Variants in ROBO2 observed in about 807,000 individuals in gnomAD.
ROBO2 encodes roundabout homolog 2.
In ROBO2, 53 loss-of-function variants were observed where a neutral mutation model predicts 160.8. The ratio of observed to expected loss-of-function variants is 0.33; its 90% CI spans 0.26 to 0.41. The LOEUF is 0.41. Ranked by LOEUF, ROBO2 falls within the 10% of genes least tolerant of loss-of-function variation. The pLI is 1.00. For missense variants in ROBO2, 1,577 were observed against 1,722.4 expected (o/e 0.92, Z 1.49); for synonymous variants, 664 against 611.7 (o/e 1.09, Z -1.26).
intron 2 of ROBO2, among the ~76,000 whole-genome samples, chr3:75,964,002 AC>A (rs1949017750): frequency 6.6e-6 from 1 of 151,812 alleles, no homozygotes; most frequent in African/African-American, 2.4e-5. Flanking sequence ...TTAGAATTTC[AC>A]CGTATGAATT....
intron 2 of ROBO2, among the ~76,000 whole-genome samples, chr3:77,187,852 G>C (rs11713628): frequency 0.26 from 39,649 of 151,706 alleles, 5,458 homozygotes; most frequent in African/African-American, 0.32. Context: ...ATTGAAATAA[G>C]TAGCAGAAAA....
rs79454518 is a variant in ROBO2, at chr3:77,485,289, A to G, written c.667+4070A>G. Among the ~76,000 whole-genome samples the G allele has an allele frequency of 7.5e-3, 1,138 of 152,192 alleles. 15 individuals are homozygous for G. Among genetic ancestry groups the G allele is most frequent in the African/African-American group, 0.024 (999 of 41,542 alleles). ...GAGTTCTAGTTTAGAATTATACTTT[A>G]GTTAGGGAATTTGACTGAAATAATA... is the stretch of plus-strand genomic sequence containing the variant. On this transcript the variant is annotated intron_variant, in intron 4 of 25. Coordinates refer to ENST00000461745, the Ensembl canonical transcript of ROBO2.
chr3:76,690,287 G>A lies in ROBO2; in HGVS notation c.110-407727G>A, dbSNP rs558669675. On this transcript the variant is annotated intron_variant, in intron 2 of 26. Coordinates refer to the ROBO2 transcript ENST00000487694. ...TGCTATGACCTGAATGTGTCCACCC[G>A]TATTTGTTTTAGAAACTTAATCACC... 3.3e-5 allele frequency among the ~76,000 whole-genome samples: 5 copies of A among 152,120 alleles called. No homozygotes were observed. The East Asian group carries it at 5.8e-4, about 18-fold the overall frequency.
chr3:76,814,277 T>A (rs897974980), intron 2 of ROBO2, among the ~76,000 whole-genome samples: 1 of 152,106 alleles, frequency 6.6e-6, no homozygotes, highest in Admixed American at 6.6e-5. Context: ...AGTTCTAATA[T>A]TGTGTCCAGA....
intron 2 of ROBO2, among the ~76,000 whole-genome samples, chr3:77,169,813 G>A (rs1031888312): frequency 6.6e-5 from 10 of 152,048 alleles, no homozygotes; most frequent in Admixed American, 2.0e-4. Context: ...GTTCCATAGG[G>A]TTGGGGATTA....
At chr3:77,491,079 C>T (rs2086046279) in intron 4 of ROBO2, among the ~76,000 whole-genome samples, 1 of 152,194 alleles carries the variant, frequency 6.6e-6, no homozygotes, top group South Asian at 2.1e-4. Context: ...ACAGGGCCTT[C>T]ATGGTCTTAT....
chr3:77,287,793 A>G (rs1054066120), intron 2 of ROBO2, among the ~76,000 whole-genome samples: 2 of 152,154 alleles, frequency 1.3e-5, no homozygotes, highest in Non-Finnish European at 2.9e-5. Context: ...CCACATGTTC[A>G]GAAAGCCTTT....
At chr3:77,071,726 T>C (rs1267004170) in intron 1 of ROBO2, among the ~76,000 whole-genome samples, 1 of 152,176 alleles carries the variant, frequency 6.6e-6, no homozygotes, top group Non-Finnish European at 1.5e-5. Flanking sequence ...TTCTAGGCCA[T>C]TTAAAACGTG....
intron 2 of ROBO2, among the ~76,000 whole-genome samples, chr3:77,220,379 T>A (rs985406593): frequency 2.0e-5 from 3 of 152,082 alleles, no homozygotes; most frequent in Non-Finnish European, 4.4e-5. Context: ...ACATTTTAAC[T>A]GCAAATGAAA....
At chr3:76,137,590 T>A (rs986544526) in intron 2 of ROBO2, among the ~76,000 whole-genome samples, 45 of 151,814 alleles carry the variant, frequency 3.0e-4, no homozygotes, top group African/African-American at 1.1e-3. Flanking sequence ...TAAAATTAAA[T>A]GACTGCCAAC....
At chr3:77,575,823 A>G (rs924909295) in intron 14 of ROBO2, among the ~76,000 whole-genome samples, 1 of 152,096 alleles carries the variant, frequency 6.6e-6, no homozygotes, top group South Asian at 2.1e-4. Context: ...TTAACACAGA[A>G]TGCTCTCTTT....
At chr3:76,256,476 G>A (rs867209313) in intron 2 of ROBO2, among the ~76,000 whole-genome samples, 1 of 151,742 alleles carries the variant, frequency 6.6e-6, no homozygotes, top group African/African-American at 2.4e-5. Context: ...GGAGGCCAAG[G>A]AAGATGGATC....
At chr3:76,699,520 A>G (rs1459213929) in intron 2 of ROBO2, among the ~76,000 whole-genome samples, 1 of 152,118 alleles carries the variant, frequency 6.6e-6, no homozygotes, top group African/African-American at 2.4e-5. Context: ...CCATATTGAT[A>G]TTAAATCTCC....
rs1576802945 is a variant in ROBO2 at position 76,087,392 on chromosome 3, A to T, written c.109+149790A>T. On this transcript the variant is annotated intron_variant, in intron 2 of 26. Coordinates refer to the ROBO2 transcript ENST00000487694. The stretch of plus-strand genomic sequence containing the variant: ...TTTAATTTCTTGATAGAAATAAAAA[A>T]CTCACCAAGCTAGAATTCTGTACCC... 5.9e-5 allele frequency among the ~76,000 whole-genome samples: 9 copies of T among 152,174 alleles called. No homozygotes were observed. The South Asian group carries it at 1.7e-3, about 28-fold the overall frequency.
chr3:76,029,137 G>T (rs1478779864), intron 2 of ROBO2, among the ~76,000 whole-genome samples: 3 of 152,038 alleles, frequency 2.0e-5, no homozygotes, highest in African/African-American at 7.2e-5. Context: ...TGGAGGAAAA[G>T]AATTCTATCA....
chr3:76,715,515 T>C (rs2093365522), intron 2 of ROBO2, among the ~76,000 whole-genome samples: 1 of 152,192 alleles, frequency 6.6e-6, no homozygotes. Flanking sequence ...CCTTTTGTTC[T>C]TGTTGTATCA....
intron 2 of ROBO2, among the ~76,000 whole-genome samples, chr3:76,410,021 G>A (rs146478246): frequency 1.7e-3 from 264 of 152,086 alleles, no homozygotes; most frequent in Middle Eastern, 0.014. Flanking sequence ...GAAGAAGACC[G>A]GACAAAAGGC....
At chr3:76,825,090 G>A (rs565632463) in intron 2 of ROBO2, among the ~76,000 whole-genome samples, 29 of 152,288 alleles carry the variant, frequency 1.9e-4, no homozygotes, top group Admixed American at 1.6e-3. Flanking sequence ...TGCCCTAGGA[G>A]TAATAATTAT....
chr3:76,059,740 A>T (rs989738130), intron 2 of ROBO2, among the ~76,000 whole-genome samples: 1 of 152,066 alleles, frequency 6.6e-6, no homozygotes, highest in Non-Finnish European at 1.5e-5. Flanking sequence ...CTATGTCCTG[A>T]ATGGTATTGC....
Sources: allele counts gnomAD v4.1 joint callset (sites outside exome capture counted in the v4.1 genomes callset), GRCh38; gene constraint gnomAD v4.1.1; transcripts MANE v1.5; gene names NCBI Gene and HGNC (gene_info 2026-07-23, HGNC 2026-07-21).